CHRNB3: variants seen among roughly 807,000 people sequenced by gnomAD.
The protein encoded by CHRNB3 is cholinergic receptor nicotinic beta 3 subunit.
Under a neutral mutation model 40.6 loss-of-function variants are expected in CHRNB3, and 37 were observed. That is an observed-to-expected ratio of 0.91 (90% CI 0.70 to 1.20). The LOEUF is 1.20. Ranked by LOEUF, CHRNB3 falls within the 50% of genes most tolerant of loss-of-function variation. The probability of loss-of-function intolerance (pLI) is 0.00; values close to 1 mark genes in which losing one functional copy is unlikely to be tolerated. For missense variants in CHRNB3, 505 were observed against 551.2 expected (o/e 0.92, Z 0.84); for synonymous variants, 207 against 207.1 (o/e 1.00, Z 0.00).
chr8:42,701,226 C>CAAAAAAAAAA (rs58800727), intron 1 of CHRNB3, among the ~76,000 whole-genome samples: 30,417 of 70,672 alleles, frequency 0.43, 8,443 homozygotes, highest in Non-Finnish European at 0.58. Context: ...GACTCTGTCT[C>CAAAAAAAAAA]AAAAAAAAAA....
chr8:42,724,172 A>C (rs1216816817), intron 3 of CHRNB3, among the ~76,000 whole-genome samples: 1 of 152,006 alleles, frequency 6.6e-6, no homozygotes, highest in African/African-American at 2.4e-5. Flanking sequence ...TGAGGCGGGC[A>C]GATCACCTGG....
chr8:42,722,837 G>A (rs1816242606), intron 3 of CHRNB3, among the ~76,000 whole-genome samples: 1 of 152,102 alleles, frequency 6.6e-6, no homozygotes, highest in Non-Finnish European at 1.5e-5. Context: ...CAGAGTGCAG[G>A]GGGTTACAGA....
rs1367330929 is a variant in CHRNB3 at position 42,730,687 on chromosome 8, A to G, written c.343A>G (p.Ile115Val). 4 of 1,595,758 alleles carry G rather than the reference A, an allele frequency of 2.5e-6. No homozygotes were observed. The highest frequency in any genetic ancestry group is 2.6e-6 in the Non-Finnish European group (3 of 1,166,748). Residue 115 changes from isoleucine to valine, a missense_variant, in exon 4 of 6, where the codon ATA (isoleucine) becomes GTA (valine). Transcript: ENST00000289957. ...ATCAGAATCTCTGTGGCTTCCTGAC[A>G]TAGTTCTCTTTGAAAAGTAAGTATC... is the stretch of plus-strand genomic sequence containing the variant. Reference protein sequence around the residue: ...VPSESLWLPDIVLFENADGRF... With the variant: ...VPSESLWLPDVVLFENADGRF...
intron 3 of CHRNB3, among the ~76,000 whole-genome samples, chr8:42,718,716 TTTTTTTATAG>T (rs1563611599): frequency 2.0e-5 from 3 of 151,426 alleles, no homozygotes; most frequent in African/African-American, 4.9e-5. Context: ...ATTCGGGGAC[TTTTTTTATAG>T]TTTTTTTAAA....
chr8:42,736,014 C>T (rs1460269228), intron 5 of CHRNB3, among the ~76,000 whole-genome samples: 1 of 151,990 alleles, frequency 6.6e-6, no homozygotes, highest in Non-Finnish European at 1.5e-5. Flanking sequence ...TACAGGTGCC[C>T]GCCACCATGC....
intron 3 of CHRNB3, among the ~76,000 whole-genome samples, chr8:42,727,995 T>C (rs1387036503): frequency 1.3e-5 from 2 of 152,154 alleles, no homozygotes; most frequent in Admixed American, 1.3e-4. Flanking sequence ...AAATGAACTT[T>C]TAGAATTTCT....
intron 3 of CHRNB3, among the ~76,000 whole-genome samples, chr8:42,728,561 A>G (rs1055146061): frequency 6.6e-6 from 1 of 152,104 alleles, no homozygotes; most frequent in East Asian, 1.9e-4. Context: ...CAAAAAACAA[A>G]CATGAAGAAT....
intron 1 of CHRNB3, among the ~76,000 whole-genome samples, chr8:42,706,581 A>T (rs1279512269): frequency 2.0e-5 from 3 of 151,944 alleles, no homozygotes; most frequent in Non-Finnish European, 1.5e-5. Flanking sequence ...GGTGGGAGAA[A>T]AAGAGAGGAG....
rs1816544293 is a variant in CHRNB3 at position 42,737,206 on chromosome 8, G to GA, written c.*588_*589insA. The GA allele has an allele frequency of 6.6e-6, 1 of 152,338 alleles. No homozygotes were observed. Among genetic ancestry groups the GA allele is most frequent in the Non-Finnish European group, 1.5e-5 (1 of 68,218 alleles). The allele number at this position is 152,338 out of a possible 1,614,324, so 9.4% of individuals were successfully genotyped here. A position where few individuals can be genotyped will look rare whatever the true frequency, so the allele number is the denominator to read the frequency against. On this transcript the variant is annotated 3_prime_UTR_variant, in exon 6 of 6. Transcript: ENST00000289957. ...CAATAACACAGATTCCAAGTTGCCT[G>GA]GCCTACCGAAGCAGGTGTTATTCAT... is the stretch of plus-strand genomic sequence containing the variant.
chr8:42,713,191 C>A (rs543231322), intron 3 of CHRNB3, among the ~76,000 whole-genome samples: 37 of 152,040 alleles, frequency 2.4e-4, no homozygotes, highest in African/African-American at 8.7e-4. Context: ...GGACTCTGGG[C>A]CTTCACATGG....
intron 1 of CHRNB3, among the ~76,000 whole-genome samples, chr8:42,703,199 A>T (rs1439519652): frequency 6.6e-6 from 1 of 151,888 alleles, no homozygotes; most frequent in Non-Finnish European, 1.5e-5. Flanking sequence ...CAAGGCGGGC[A>T]GATCACTTGA....
Position 42,732,534 on chromosome 8 carries a change from A to G in CHRNB3, c.1227A>G (p.Glu409=). 2.5e-6 allele frequency: 4 copies of G among 1,594,272 alleles called. No individual in the cohort carries two copies. The highest frequency in any genetic ancestry group is 3.4e-6 in the Non-Finnish European group (4 of 1,172,532). ...ACATTTCGAGACATGTGAAGAAAGA[A>G]CATTTTATCAGCCAGGTGAGTAAAC... ...IRYISRHVKK[E]HFISQVVQDW... Residue 409 remains glutamate, a synonymous_variant, in exon 5 of 6, where the codon GAA becomes GAG. Coordinates refer to ENST00000289957, the MANE Select transcript of CHRNB3 (RefSeq NM_000749.5).
chr8:42,706,567 G>A (rs150886846), intron 1 of CHRNB3, among the ~76,000 whole-genome samples: 9 of 152,134 alleles, frequency 5.9e-5, no homozygotes, highest in East Asian at 1.9e-4. Flanking sequence ...AAGACCCGAC[G>A]TAGGGTGGGA....
chr8:42,714,742 C>T (rs186743510), intron 3 of CHRNB3: 3 of 152,322 alleles, frequency 2.0e-5, no homozygotes, highest in Admixed American at 6.5e-5. Context: ...CACAACCATC[C>T]TATAAGGGAG....
chr8:42,710,202 T>G (rs762090517), intron 2 of CHRNB3, among the ~76,000 whole-genome samples, 188 bp from the exon 3 acceptor site: 5 of 152,114 alleles, frequency 3.3e-5, no homozygotes, highest in Non-Finnish European at 5.9e-5. Flanking sequence ...GCACTTATAG[T>G]CAGCTCCTTG....
At position 42,737,202 on chromosome 8, in the gene CHRNB3, G is replaced by C. The variant is rs1209074911; in HGVS notation, c.*584G>C. On this transcript the variant is annotated 3_prime_UTR_variant, in exon 6 of 6. Coordinates refer to ENST00000289957, the MANE Select transcript of CHRNB3 (RefSeq NM_000749.5). The stretch of plus-strand genomic sequence containing the variant: ...TTAACAATAACACAGATTCCAAGTT[G>C]CCTGGCCTACCGAAGCAGGTGTTAT... 6.6e-6 allele frequency: 1 copy of C among 152,338 alleles called. No homozygotes were observed. Among genetic ancestry groups the C allele is most frequent in the East Asian group, 1.9e-4 (1 of 5,190 alleles). The allele number at this position is 152,338 out of a possible 1,614,324, so 9.4% of individuals were successfully genotyped here. A position where few individuals can be genotyped will look rare whatever the true frequency, so the allele number is the denominator to read the frequency against.
chr8:42,720,004 C>T lies in CHRNB3; in HGVS notation c.249+9570C>T, dbSNP rs192147515. On this transcript the variant is annotated intron_variant, in intron 3 of 5. Coordinates refer to ENST00000289957, the MANE Select transcript of CHRNB3 (RefSeq NM_000749.5). Reference sequence around the variant, plus strand: ...ATCCTCCTCAAGGATCTGAAGGCAGCCCGCATTCATGATCTCCTTCCTTCC... The same window carrying T: ...ATCCTCCTCAAGGATCTGAAGGCAGTCCGCATTCATGATCTCCTTCCTTCC... Among the ~76,000 whole-genome samples the T allele has an allele frequency of 3.9e-5, 6 of 152,094 alleles. No individual in the cohort carries two copies. The East Asian group carries it at 9.6e-4, about 24-fold the overall frequency.
At chr8:42,697,672 T>C (rs1039333709) in intron 1 of CHRNB3, 74 bp downstream of exon 1, 4 of 1,115,654 alleles carry the variant, frequency 3.6e-6, no homozygotes, top group African/African-American at 3.1e-5. Flanking sequence ...ACTATGGTGT[T>C]GATAATGTTA....
chr8:42,732,650 G>A (rs1816451689), intron 5 of CHRNB3, 101 bp downstream of exon 5: 1 of 1,169,196 alleles, frequency 8.6e-7, no homozygotes. Context: ...GTTTAAATGT[G>A]ACGTTATATA....
Sources: gnomAD v4.1 joint callset for allele counts (sites outside exome capture counted in the v4.1 genomes callset) on GRCh38, gnomAD v4.1.1 for gene constraint, MANE v1.5 for transcripts, NCBI Gene and HGNC (gene_info 2026-07-23, HGNC 2026-07-21) for gene names.